ASAP1: variants seen among roughly 807,000 people sequenced by gnomAD.
ASAP1 encodes the protein ArfGAP with SH3 domain, ankyrin repeat and PH domain 1.
A neutral mutation model predicts 145.2 loss-of-function variants in ASAP1; 43 were observed. The observed-to-expected ratio is 0.30, with a 90% CI of 0.23 to 0.38. ASAP1 has a LOEUF of 0.38. Among genes scored for constraint, ASAP1 ranks in the 10% least tolerant of loss-of-function variants. The pLI, the probability that ASAP1 is intolerant of heterozygous loss-of-function variation, is 1.00. For synonymous variants in ASAP1, 546 were observed against 515.5 expected (o/e 1.06, Z -0.80); for missense variants, 1,018 against 1,355.3 (o/e 0.75, Z 3.91).
At chr8:130,106,434 T>C (rs1181673826) in intron 24 of ASAP1, among the ~76,000 whole-genome samples, 1 of 152,242 alleles carries the variant, frequency 6.6e-6, no homozygotes, top group Non-Finnish European at 1.5e-5. Flanking sequence ...GTCTTCACCC[T>C]TTCTACTCTT....
intron 28 of ASAP1, among the ~76,000 whole-genome samples, chr8:130,058,288 A>G (rs994356386): frequency 6.6e-6 from 1 of 152,156 alleles, no homozygotes; most frequent in African/African-American, 2.4e-5. Flanking sequence ...CCCCATCATC[A>G]GGGTGGCCCT....
chr8:130,309,946 T>C lies in ASAP1; in HGVS notation c.186+48071A>G, dbSNP rs576480348. Among the ~76,000 whole-genome samples the C allele has an allele frequency of 5.3e-5, 8 of 152,300 alleles. No homozygotes were observed. In the East Asian group the frequency reaches 1.2e-3, roughly 22 times the overall value. ...ACATATTTTTATGATGTTAACACTA[T>C]GGTAATTTCAGTAATAGCAGACAAT... On this transcript the variant is annotated intron_variant, in intron 3 of 29. Transcript: ENST00000518721.
intron 1 of ASAP1, among the ~76,000 whole-genome samples, chr8:130,407,463 G>T (rs925615241): frequency 4.6e-5 from 7 of 152,220 alleles, no homozygotes; most frequent in Non-Finnish European, 8.8e-5. Flanking sequence ...ATGAGCAGGG[G>T]AGCGGCAGCA....
chr8:130,099,154 T>C (rs2097524237), intron 24 of ASAP1, among the ~76,000 whole-genome samples: 1 of 151,488 alleles, frequency 6.6e-6, no homozygotes, highest in African/African-American at 2.4e-5. Context: ...GCTGGGACTA[T>C]ACGTGTACGC....
chr8:130,219,634 G>T (rs561523924), intron 4 of ASAP1, among the ~76,000 whole-genome samples: 73 of 152,318 alleles, frequency 4.8e-4, no homozygotes, highest in Non-Finnish European at 9.6e-4. Context: ...TGGGCACATA[G>T]TACAGTGGGA....
chr8:130,114,425 T>C (rs1322573462), intron 23 of ASAP1, among the ~76,000 whole-genome samples: 2 of 152,220 alleles, frequency 1.3e-5, no homozygotes, highest in Non-Finnish European at 2.9e-5. Context: ...TAAAAAATGG[T>C]ACATCTATGT....
intron 3 of ASAP1, among the ~76,000 whole-genome samples, chr8:130,302,463 T>C (rs1199827458): frequency 6.6e-6 from 1 of 152,148 alleles, no homozygotes; most frequent in South Asian, 2.1e-4. Flanking sequence ...AAATAAAAAT[T>C]CTGGCTTTTA....
intron 2 of ASAP1, among the ~76,000 whole-genome samples, chr8:130,369,134 T>A (rs573446383): frequency 6.6e-6 from 1 of 152,348 alleles, no homozygotes; most frequent in African/African-American, 2.4e-5. Context: ...TAGTTTCAAA[T>A]CGTATACAGG....
intron 4 of ASAP1, among the ~76,000 whole-genome samples, chr8:130,234,840 A>G (rs930644258): frequency 6.6e-6 from 1 of 152,128 alleles, no homozygotes; most frequent in Non-Finnish European, 1.5e-5. Flanking sequence ...GAGACAAACA[A>G]TGGTTCTCAT....
chr8:130,440,010 T>C (rs2138840181), intron 1 of ASAP1, among the ~76,000 whole-genome samples: 2 of 152,248 alleles, frequency 1.3e-5, no homozygotes, highest in East Asian at 3.9e-4. Context: ...CACCCAGCTG[T>C]TCAAGCCAGA....
At chr8:130,291,602 AG>A (rs1821948432) in intron 3 of ASAP1, among the ~76,000 whole-genome samples, 1 of 152,210 alleles carries the variant, frequency 6.6e-6, no homozygotes, top group South Asian at 2.1e-4. Context: ...GGGAAAAGGA[AG>A]GGGAAGAGGA....
intron 3 of ASAP1, among the ~76,000 whole-genome samples, chr8:130,325,655 T>C (rs1176485094): frequency 1.3e-5 from 2 of 152,216 alleles, no homozygotes; most frequent in African/African-American, 4.8e-5. Flanking sequence ...AAACAACTAG[T>C]TACCATACAT....
At position 130,355,189 on chromosome 8, in the gene ASAP1, A is replaced by G. The variant is rs556506545; in HGVS notation, c.186+2828T>C. Among the ~76,000 whole-genome samples, 4 of 152,274 alleles carry G rather than the reference A, an allele frequency of 2.6e-5. No homozygotes were observed. The East Asian group carries it at 5.8e-4, about 22-fold the overall frequency. ...CCACCACGCCCAGCCTTCTTACCAT[A>G]TATTTCTCATCTACTTCCAAGAGTG... On this transcript the variant is annotated intron_variant, in intron 3 of 29. Transcript: ENST00000518721.
chr8:130,269,002 A>G (rs936300768), intron 3 of ASAP1, among the ~76,000 whole-genome samples: 1 of 152,194 alleles, frequency 6.6e-6, no homozygotes. Flanking sequence ...TAAACTACTA[A>G]CAAAAAAAGT....
At chr8:130,262,768 T>C (rs141823552) in intron 3 of ASAP1, among the ~76,000 whole-genome samples, 1 of 152,342 alleles carries the variant, frequency 6.6e-6, no homozygotes, top group African/African-American at 2.4e-5. Flanking sequence ...AGATGCATTA[T>C]TAAATGCTTC....
chr8:130,152,056 T>C (rs1214938705), intron 13 of ASAP1, among the ~76,000 whole-genome samples: 1 of 152,240 alleles, frequency 6.6e-6, no homozygotes, highest in Non-Finnish European at 1.5e-5. Flanking sequence ...TAAAGTCAGC[T>C]GTAAGTCATA....
chr8:130,188,892 T>TGA (rs1814941044), intron 5 of ASAP1, among the ~76,000 whole-genome samples: 1 of 152,188 alleles, frequency 6.6e-6, no homozygotes, highest in Non-Finnish European at 1.5e-5. Context: ...TTGTAGCTCT[T>TGA]ACGGTGAATT....
In ASAP1 at chr8:130,284,901, AAG is replaced by A. The variant is rs371375198; in HGVS notation, c.187-47909_187-47908del. 2.8e-5 allele frequency among the ~76,000 whole-genome samples: 4 copies of A among 143,412 alleles called. No individual in the cohort carries two copies. The East Asian group carries it at 6.5e-4, about 23-fold the overall frequency. The allele number at this position is 143,412 out of a possible 152,430, so 94.1% of individuals were successfully genotyped here. ...CACACCATACTGAGAGAGAGAGAGA[AAG>A]AGAGAGAGAGACAGAGAGACATACA... On this transcript the variant is annotated intron_variant, in intron 3 of 29. Coordinates refer to ENST00000518721, the MANE Select transcript of ASAP1 (RefSeq NM_018482.4).
chr8:130,200,498 T>G (rs1815797499), intron 5 of ASAP1, among the ~76,000 whole-genome samples: 1 of 152,100 alleles, frequency 6.6e-6, no homozygotes, highest in South Asian at 2.1e-4. Context: ...TTTCAAAATG[T>G]TATCGGTGGA....
Sources: allele counts gnomAD v4.1 joint callset (sites outside exome capture counted in the v4.1 genomes callset), GRCh38; gene constraint gnomAD v4.1.1; transcripts MANE v1.5; gene names NCBI Gene and HGNC (gene_info 2026-07-23, HGNC 2026-07-21).